Variants in PSME4 observed in about 807,000 individuals in gnomAD.
PSME4 encodes proteasome activator complex subunit 4.
Under a neutral mutation model 253.9 loss-of-function variants are expected in PSME4, and 89 were observed. The ratio of observed to expected loss-of-function variants is 0.35; its 90% confidence interval spans 0.30 to 0.42. The LOEUF is 0.42. Among genes scored for constraint, PSME4 ranks in the 10% least tolerant of loss-of-function variants. The pLI is 1.00. For missense variants in PSME4, 2,014 were observed against 2,195.2 expected (o/e 0.92, Z 1.65); for synonymous variants, 851 against 759.2 (o/e 1.12, Z -1.99).
intron 41 of PSME4, among the ~76,000 whole-genome samples, chr2:53,876,866 C>G (rs974674675): frequency 6.6e-6 from 1 of 151,284 alleles, no homozygotes; most frequent in Non-Finnish European, 1.5e-5. Context: ...CACAGGCACG[C>G]ACCACCGTGT....
At chr2:53,940,913 T>C (rs1187827149) in intron 3 of PSME4, among the ~76,000 whole-genome samples, 1 of 82,302 alleles carries the variant, frequency 1.2e-5, no homozygotes, top group Non-Finnish European at 2.1e-5. Flanking sequence ...ATAATACATA[T>C]TTAAATATAT....
In PSME4 at chr2:53,921,116, G is replaced by A. The variant is rs1573292955; in HGVS notation, c.2047-12C>T. 4 of 1,608,646 alleles carry A rather than the reference G, an allele frequency of 2.5e-6. No individual in the cohort carries two copies. The highest frequency in any genetic ancestry group is 1.7e-5 in the Admixed American group (1 of 58,358). On this transcript the variant is annotated splice_polypyrimidine_tract_variant and intron_variant, in intron 17 of 46. Coordinates refer to ENST00000404125, the MANE Select transcript of PSME4 (RefSeq NM_014614.3). ...TCCACTCGAGTAATCTAAAAGGAGG[G>A]AAAAAATAGTTGAAGATATTTTGGT...
intron 1 of PSME4, among the ~76,000 whole-genome samples, chr2:53,956,000 C>A (rs1385844933): frequency 1.3e-5 from 2 of 151,890 alleles, no homozygotes; most frequent in Non-Finnish European, 2.9e-5. Flanking sequence ...TACAGTGGCT[C>A]ACGCCTATAA....
chr2:53,929,454 G>T (rs994624398), intron 10 of PSME4, among the ~76,000 whole-genome samples: 1 of 151,902 alleles, frequency 6.6e-6, no homozygotes, highest in Non-Finnish European at 1.5e-5. Flanking sequence ...TACCACTCCC[G>T]GCTAACTTTT....
At chr2:53,877,470 T>C (rs1679190020) in intron 41 of PSME4, among the ~76,000 whole-genome samples, 1 of 152,168 alleles carries the variant, frequency 6.6e-6, no homozygotes, top group South Asian at 2.1e-4. Flanking sequence ...CTGGACAAAC[T>C]ATCATAGTGA....
intron 3 of PSME4, among the ~76,000 whole-genome samples, chr2:53,944,111 A>T (rs762130360): frequency 6.6e-6 from 1 of 152,234 alleles, no homozygotes; most frequent in Non-Finnish European, 1.5e-5. Flanking sequence ...ACTGTAGCAC[A>T]GAAACAACTT....
At chr2:53,894,307 T>C (rs138448341) in intron 34 of PSME4, among the ~76,000 whole-genome samples, 2,120 of 152,328 alleles carry the variant, frequency 0.014, 58 homozygotes, top group African/African-American at 0.049. Flanking sequence ...GGTCTCACTC[T>C]GTCATCCAGG....
At chr2:53,947,519 C>A (rs1330001369) in intron 3 of PSME4, among the ~76,000 whole-genome samples, 1 of 151,792 alleles carries the variant, frequency 6.6e-6, no homozygotes, top group African/African-American at 2.4e-5. Flanking sequence ...TCTTGGCTAA[C>A]ATGGTGAAAC....
intron 41 of PSME4, among the ~76,000 whole-genome samples, chr2:53,877,498 G>C (rs1285347670): frequency 6.6e-6 from 1 of 151,132 alleles, no homozygotes; most frequent in Non-Finnish European, 1.5e-5. Flanking sequence ...CACTCAGCTT[G>C]AAACTGTTGT....
rs1254437755 is a variant in PSME4 at position 53,912,529 on chromosome 2, C to T, written c.2517-2399G>A. ...CTGCAGTGCAATGGTACGATCATGGCTCACTGCAGCCCCAACCTTCCTGGC... is the reference window on the plus strand; with the variant it reads ...CTGCAGTGCAATGGTACGATCATGGTTCACTGCAGCCCCAACCTTCCTGGC... On this transcript the variant is annotated intron_variant, in intron 20 of 46. Coordinates refer to ENST00000404125, the MANE Select transcript of PSME4 (RefSeq NM_014614.3). Among the ~76,000 whole-genome samples the T allele has an allele frequency of 2.6e-5, 4 of 152,202 alleles. No individual in the cohort carries two copies. The South Asian group carries it at 8.3e-4, about 31-fold the overall frequency.
rs979602880 is a variant in PSME4 at position 53,904,121 on chromosome 2, G to C, written c.2979C>G (p.Ala993=). ...TGCAACAGAAGTTATATGCTCCCAA[G>C]GCAGCAAAAAATGTTTGCTGAGCCT... ...RNKAQQTFFA[A]LGAYNFCCRD... The change falls in exon 27 of 47, where the codon GCC becomes GCG. Residue 993 remains alanine (A), a synonymous_variant. Transcript: ENST00000404125. 2 of 1,612,934 alleles carry C rather than the reference G, an allele frequency of 1.2e-6. No homozygotes were observed. The highest frequency in any genetic ancestry group is 1.7e-5 in the Admixed American group (1 of 59,912).
Position 53,940,606 on chromosome 2 carries a change from T to G in PSME4, c.501-606A>C, listed in dbSNP as rs1355465855. ...AATACAGGAGACCAACATAAAAATG[T>G]GTGTATGAATTTATAATCCACATTT... On this transcript the variant is annotated intron_variant, in intron 3 of 46. Coordinates refer to ENST00000404125, the MANE Select transcript of PSME4 (RefSeq NM_014614.3). Among the ~76,000 whole-genome samples, 3 of 152,084 alleles carry G rather than the reference T, an allele frequency of 2.0e-5. No homozygotes were observed. In the East Asian group the frequency reaches 5.8e-4, roughly 29 times the overall value.
At position 53,897,884 on chromosome 2, in the gene PSME4, T is replaced by C. The variant is rs757415396; in HGVS notation, c.3592A>G (p.Ile1198Val). 48 of 1,613,636 alleles carry C rather than the reference T, an allele frequency of 3.0e-5. No individual in the cohort carries two copies. Among genetic ancestry groups the C allele is most frequent in the African/African-American group, 2.0e-4 (15 of 74,896 alleles). ...AAGGTATGTACCTTTCGAACTACAA[T>C]TGCATCATGGTTGAGATTCTCAACA... The part of the protein sequence containing the change: ...FFVENLNHDA[I>V]VVRKMAISAV... The change falls in exon 31 of 47, where the codon ATT (isoleucine) becomes GTT (valine). Residue 1198 changes from isoleucine to valine, a missense_variant. Ile to Val is a conservative substitution (Grantham distance 29). Transcript: ENST00000404125.
intron 43 of PSME4, among the ~76,000 whole-genome samples, chr2:53,871,204 A>C (rs1678859548): frequency 6.6e-6 from 1 of 152,086 alleles, no homozygotes; most frequent in South Asian, 2.1e-4. Context: ...TTTCCTGGTC[A>C]TTGGGAGGTG....
At chr2:53,931,232 T>A (rs1222664096) in intron 10 of PSME4, among the ~76,000 whole-genome samples, 1 of 151,920 alleles carries the variant, frequency 6.6e-6, no homozygotes, top group Non-Finnish European at 1.5e-5. Context: ...AGCCAAGATT[T>A]GCACTCCAGC....
chr2:53,866,351 C>A, intron 45 of PSME4, 128 bp from the exon 46 acceptor site: 1 of 1,005,292 alleles, frequency 9.9e-7, no homozygotes, highest in Non-Finnish European at 1.4e-6. Context: ...TCTACAAAAC[C>A]AAAAAGCCAA....
chr2:53,933,419 G>A (rs928774518), intron 8 of PSME4, among the ~76,000 whole-genome samples: 3 of 128,396 alleles, frequency 2.3e-5, no homozygotes, highest in African/African-American at 9.8e-5. Context: ...TCCCTCTGTT[G>A]TCCAGGGTGG....
At chr2:53,934,531 A>C in intron 8 of PSME4, 74 bp downstream of exon 8, 3 of 1,471,112 alleles carry the variant, frequency 2.0e-6, no homozygotes, top group Non-Finnish European at 2.8e-6. Context: ...AACTTCTGCG[A>C]CTATCCACAA....
Position 53,920,269 on chromosome 2 carries a change from A to G in PSME4, c.2344T>C (p.Tyr782His), listed in dbSNP as rs1558683847. 3 of 1,613,886 alleles carry G rather than the reference A, an allele frequency of 1.9e-6. No individual in the cohort carries two copies. Among genetic ancestry groups the G allele is most frequent in the Admixed American group, 1.7e-5 (1 of 60,018 alleles). ...GGCTGAAGAAAGGAGTCCAAAAGAT[A>G]AAAGGCAAAAGACACTTCTTCTGAA... ...PSSEEVSFAF[Y>H]LLDSFLQPEL... is the part of the protein sequence containing the mutation. Residue 782 changes from tyrosine to histidine, a missense_variant, in exon 19 of 47, where the codon TAT (tyrosine) becomes CAT (histidine). By Grantham distance (83) the Tyr-to-His change is moderately conservative. Coordinates refer to ENST00000404125, the MANE Select transcript of PSME4 (RefSeq NM_014614.3).
Sources: allele counts gnomAD v4.1 joint callset (sites outside exome capture counted in the v4.1 genomes callset), GRCh38; gene constraint gnomAD v4.1.1; transcripts MANE v1.5; gene names NCBI Gene and HGNC (gene_info 2026-07-23, HGNC 2026-07-21).